Variants in USH2A observed in about 807,000 individuals in gnomAD.
USH2A encodes the protein Usher syndrome 2A (autosomal recessive, mild).
In USH2A, 443 loss-of-function variants were observed where a neutral mutation model predicts 538.9. The ratio of observed to expected loss-of-function variants is 0.82; its 90% confidence interval spans 0.76 to 0.89. USH2A has a LOEUF of 0.89. Among genes scored for constraint, USH2A ranks in the 40% least tolerant of loss-of-function variants. The pLI, the probability that USH2A is intolerant of heterozygous loss-of-function variation, is 0.00. For synonymous variants in USH2A, 2,413 were observed against 2,273.5 expected, an observed-to-expected ratio of 1.06 and a Z score of -1.75; for missense variants, 6,633 against 6,324.8, an observed-to-expected ratio of 1.05 and a Z score of -1.65.
chr1:216,087,137 G>T (rs2032160944), intron 23 of USH2A, among the ~76,000 whole-genome samples: 1 of 152,170 alleles, frequency 6.6e-6, no homozygotes, highest in Non-Finnish European at 1.5e-5. Flanking sequence ...GGGAACCTGG[G>T]TCTCTGACTG....
intron 40 of USH2A, among the ~76,000 whole-genome samples, chr1:215,890,777 G>A (rs1049270849): frequency 1.5e-4 from 23 of 152,172 alleles, no homozygotes; most frequent in African/African-American, 5.5e-4. Context: ...ATTTCCCAGA[G>A]AAAAGCAAGT....
rs1441027342 is a variant in USH2A at position 215,926,247 on chromosome 1, CT to C, written c.7300+8368del. 2.0e-5 allele frequency among the ~76,000 whole-genome samples: 3 copies of C among 150,400 alleles called. No individual in the cohort carries two copies. The East Asian group carries it at 5.9e-4, about 29-fold the overall frequency. On this transcript the variant is annotated intron_variant, in intron 38 of 71. Coordinates refer to ENST00000307340, the MANE Select transcript of USH2A (RefSeq NM_206933.4). ...AAAAAAAAAAAATACCATTCTCCACCTGGCTGGTTGATAGTGCTACCCACAC... is the reference window on the plus strand; with the variant it reads ...AAAAAAAAAAAATACCATTCTCCACCGGCTGGTTGATAGTGCTACCCACAC...
At chr1:215,757,061 G>A (rs1006577887) in intron 58 of USH2A, among the ~76,000 whole-genome samples, 3 of 152,048 alleles carry the variant, frequency 2.0e-5, no homozygotes, top group South Asian at 2.1e-4. Flanking sequence ...TCGAAATTAA[G>A]AACAGAGTTC....
chr1:215,996,651 GC>G (rs1289524778), intron 34 of USH2A, among the ~76,000 whole-genome samples: 14 of 119,084 alleles, frequency 1.2e-4, no homozygotes, highest in African/African-American at 4.5e-4. Flanking sequence ...GTGTTTCCAA[GC>G]AAATTATTTA....
chr1:215,900,808 A>G lies in USH2A; in HGVS notation c.7398T>C (p.Ser2466=). 2 of 1,613,804 alleles carry G rather than the reference A, an allele frequency of 1.2e-6. No individual in the cohort carries two copies. Among genetic ancestry groups the G allele is most frequent in the Non-Finnish European group, 1.7e-6 (2 of 1,179,798 alleles). The change falls in exon 39 of 72, where the codon TCT becomes TCC. Residue 2466 remains serine (S), a synonymous_variant. Coordinates refer to ENST00000307340, the MANE Select transcript of USH2A (RefSeq NM_206933.4). ...ACCTCATCTGGAGTTGGTATCTGGG[A>G]GAGCCAGGAGCGTTATTACGAGCTG... The part of the protein sequence containing the change: ...STPARNNAPG[S]PRYQLQMRSG...
intron 21 of USH2A, among the ~76,000 whole-genome samples, chr1:216,158,821 A>C (rs906887338): frequency 6.6e-6 from 1 of 152,142 alleles, no homozygotes; most frequent in Admixed American, 6.5e-5. Context: ...ATTTAACAAT[A>C]TTAAGTGTTT....
chr1:215,721,092 T>C (rs1214125257), intron 61 of USH2A, among the ~76,000 whole-genome samples: 2 of 152,108 alleles, frequency 1.3e-5, no homozygotes, highest in Non-Finnish European at 2.9e-5. Context: ...TGTTGTTTTT[T>C]GAGACAGGTT....
rs984946449 is a variant in USH2A at position 215,814,639 on chromosome 1, T to G, written c.9571-735A>C. Among the ~76,000 whole-genome samples the G allele has an allele frequency of 2.6e-5, 4 of 152,200 alleles. No individual in the cohort carries two copies. In the East Asian group the frequency reaches 7.7e-4, roughly 29 times the overall value. On this transcript the variant is annotated intron_variant, in intron 48 of 71. Coordinates refer to ENST00000307340, the MANE Select transcript of USH2A (RefSeq NM_206933.4). ...GCTCTCTCTCCCTCCTGCCATCACA[T>G]GAAGAAGGTCCTTGCTTCCCCTTCA...
chr1:215,841,214 C>A (rs1022865239), intron 46 of USH2A, among the ~76,000 whole-genome samples: 4 of 151,758 alleles, frequency 2.6e-5, no homozygotes, highest in African/African-American at 9.7e-5. Flanking sequence ...CATATGGAAC[C>A]AAAAAAGAGC....
At chr1:215,886,690 T>C (rs956127251) in intron 41 of USH2A, 1 of 152,166 alleles carries the variant, frequency 6.6e-6, no homozygotes, top group Non-Finnish European at 1.5e-5. Flanking sequence ...TCTAAACTTC[T>C]CTAGCAGGCT....
intron 43 of USH2A, 60 bp downstream of exon 43, chr1:215,877,698 C>A: frequency 1.9e-6 from 3 of 1,609,306 alleles, no homozygotes; most frequent in Non-Finnish European, 2.5e-6. Context: ...ATACTTTGAA[C>A]TATTCAACAT....
intron 47 of USH2A, among the ~76,000 whole-genome samples, chr1:215,836,164 G>C (rs569339484): frequency 2.8e-4 from 42 of 151,854 alleles, no homozygotes; most frequent in African/African-American, 9.4e-4. Flanking sequence ...GGGGATGCCA[G>C]CAGACAAGAA....
chr1:215,759,941 G>C, intron 56 of USH2A, 98 bp from the exon 57 acceptor site: 3 of 1,428,342 alleles, frequency 2.1e-6, no homozygotes, highest in Non-Finnish European at 2.9e-6. Flanking sequence ...TATTTTTTCT[G>C]TTGATTTTAA....
At chr1:215,731,604 GA>G (rs1233108064) in intron 60 of USH2A, among the ~76,000 whole-genome samples, 1 of 152,094 alleles carries the variant, frequency 6.6e-6, no homozygotes, top group Non-Finnish European at 1.5e-5. Context: ...ACACTAAGAG[GA>G]AAACAAAAAT....
chr1:216,082,613 T>C (rs988129452), intron 26 of USH2A, among the ~76,000 whole-genome samples: 64 of 152,232 alleles, frequency 4.2e-4, no homozygotes, highest in African/African-American at 1.5e-3. Context: ...CTTTTAAGAA[T>C]TAAAATTTTA....
intron 35 of USH2A, among the ~76,000 whole-genome samples, chr1:215,983,644 A>C (rs74141475): frequency 0.013 from 2,015 of 152,236 alleles, 55 homozygotes; most frequent in African/African-American, 0.046. Flanking sequence ...CACACACACA[A>C]AAAACACCTC....
In USH2A at chr1:215,775,997, T is replaced by TA. The variant is rs577280912; in HGVS notation, c.10939+3845dup. On this transcript the variant is annotated intron_variant, in intron 55 of 71. Transcript: ENST00000307340. ...CATAGGCCCTTATTATACGTTATGC[T>TA]AAACAGGACATGACTAATTCATTTT... Among the ~76,000 whole-genome samples the TA allele has an allele frequency of 2.2e-3, 331 of 152,322 alleles. 1 individual carries two copies. The highest frequency in any genetic ancestry group is 7.7e-3 in the African/African-American group (321 of 41,586).
At chr1:216,001,884 A>T (rs1668272368) in intron 32 of USH2A, among the ~76,000 whole-genome samples, 1 of 152,330 alleles carries the variant, frequency 6.6e-6, no homozygotes, top group East Asian at 1.9e-4. Flanking sequence ...TAGAACAAAA[A>T]GTTGTCAACA....
chr1:215,799,083 A>G lies in USH2A; in HGVS notation c.9782T>C (p.Val3261Ala). The part of the protein sequence containing the change: ...CPDEQHNRVS[V>A]GIGDSCCGRM... ...GCCACAGCAGGAATCACCAATGCCA[A>G]CAGAAACCCGATTGTGCTGTTCATC... Residue 3261 changes from valine to alanine, a missense_variant, in exon 50 of 72, where the codon GTT becomes GCT. By Grantham distance (64) the Val-to-Ala change is moderately conservative. Coordinates refer to ENST00000307340, the MANE Select transcript of USH2A (RefSeq NM_206933.4). 5 of 1,614,064 alleles carry G rather than the reference A, an allele frequency of 3.1e-6. No homozygotes were observed. The highest frequency in any genetic ancestry group is 4.2e-6 in the Non-Finnish European group (5 of 1,179,986).
Sources: allele counts gnomAD v4.1 joint callset (sites outside exome capture counted in the v4.1 genomes callset), GRCh38; gene constraint gnomAD v4.1.1; transcripts MANE v1.5; gene names NCBI Gene and HGNC (gene_info 2026-07-23, HGNC 2026-07-21).